COA1: variants seen among roughly 807,000 people sequenced by gnomAD.
The protein encoded by COA1 is cytochrome c oxidase assembly factor 1 homolog.
Under a neutral mutation model 16.0 loss-of-function variants are expected in COA1, and 13 were observed. That is an observed-to-expected ratio of 0.81 (90% CI 0.53 to 1.29). The LOEUF (loss-of-function observed/expected upper bound fraction) is 1.29, where lower values mean the gene tolerates loss of function less well. Among genes scored for constraint, COA1 ranks in the 50% most tolerant of loss-of-function variants. COA1 has a pLI of 0.00. For synonymous variants in COA1, 65 were observed against 65.7 expected, an observed-to-expected ratio of 0.99 and a Z score of 0.05; for missense variants, 179 against 177.0, an observed-to-expected ratio of 1.01 and a Z score of -0.06.
rs2086534667 is a variant in COA1 at position 43,639,576 on chromosome 7, T to A, written c.*6A>T. ...CTAGAAGCAAGCTGGGTCTTCTGGG[T>A]CGTCTCTACTCCTTTTTCACTTCAT... On this transcript the variant is annotated 3_prime_UTR_variant, in exon 6 of 6. Transcript: ENST00000223336. 6.2e-7 allele frequency: 1 copy of A among 1,611,798 alleles called. No individual in the cohort carries two copies. The highest frequency in any genetic ancestry group is 1.3e-5 in the African/African-American group (1 of 74,812).
chr7:43,625,036 G>C, intron 6 of COA1: 1 of 458,086 alleles, frequency 2.2e-6, no homozygotes, highest in Non-Finnish European at 3.8e-6. Context: ...GATTTAACAG[G>C]TACAGTTACC....
intron 1 of COA1, among the ~76,000 whole-genome samples, chr7:43,671,935 CTGTGAGTAAA>C (rs1465934844): frequency 6.6e-6 from 1 of 152,180 alleles, no homozygotes; most frequent in African/African-American, 2.4e-5. Context: ...CCACGTGGAA[CTGTGAGTAAA>C]TGAAACCTCT....
chr7:43,660,407 G>T (rs1315260642), intron 1 of COA1, among the ~76,000 whole-genome samples: 2 of 152,074 alleles, frequency 1.3e-5, no homozygotes, highest in Non-Finnish European at 2.9e-5. Flanking sequence ...GCCTAAATCA[G>T]ATACCTGGGA....
intron 1 of COA1, among the ~76,000 whole-genome samples, chr7:43,668,751 C>T (rs766747372): frequency 7.9e-5 from 12 of 152,158 alleles, no homozygotes; most frequent in Non-Finnish European, 1.3e-4. Flanking sequence ...GTAGGGTGCC[C>T]ATAACCCTGA....
intron 1 of COA1, chr7:43,658,854 G>C (rs1468414334): frequency 6.6e-6 from 1 of 152,420 alleles, no homozygotes; most frequent in African/African-American, 2.4e-5. Context: ...GGCAGCCACA[G>C]GCTCGGTATC....
intron 1 of COA1, among the ~76,000 whole-genome samples, chr7:43,711,948 A>G (rs1228737197): frequency 6.6e-6 from 1 of 152,166 alleles, no homozygotes; most frequent in African/African-American, 2.4e-5. Flanking sequence ...TAATAACAAT[A>G]AACTCCCAAG....
chr7:43,721,284 T>C (rs849167), intron 1 of COA1, among the ~76,000 whole-genome samples: 65,800 of 152,140 alleles, frequency 0.43, 14,686 homozygotes, highest in African/African-American at 0.55. Flanking sequence ...AATAGTTAAA[T>C]GTCAGTTCTT....
chr7:43,645,582 A>C, intron 3 of COA1, 183 bp from the exon 4 acceptor site: 2 of 579,930 alleles, frequency 3.4e-6, no homozygotes, highest in East Asian at 3.0e-5. Flanking sequence ...AAACCAAAGC[A>C]CAGGCAGGCA....
chr7:43,625,456 A>T (rs2084402627), intron 6 of COA1: 1 of 151,812 alleles, frequency 6.6e-6, no homozygotes, highest in South Asian at 2.1e-4. Context: ...AAAAACCCTA[A>T]TTTTTTTTCT....
chr7:43,702,127 CTG>C lies in COA1; in HGVS notation c.-39+27300_-39+27301del, dbSNP rs2094770505. 6.6e-5 allele frequency among the ~76,000 whole-genome samples: 10 copies of C among 152,200 alleles called. No individual in the cohort carries two copies. In the South Asian group the frequency reaches 2.1e-3, roughly 32 times the overall value. On this transcript the variant is annotated intron_variant, in intron 1 of 5. Transcript: ENST00000223336. ...GTTTTGTTGCAATTGCTTTGGAAAA[CTG>C]TCAAGAAATCTTTGCCAAGGCCTAT...
intron 6 of COA1, among the ~76,000 whole-genome samples, chr7:43,616,242 G>A (rs1162073051): frequency 6.6e-6 from 1 of 152,096 alleles, no homozygotes; most frequent in African/African-American, 2.4e-5. Flanking sequence ...TTGCTTTCAT[G>A]GTGCAATTCA....
chr7:43,696,213 C>T (rs1000535827), intron 1 of COA1, among the ~76,000 whole-genome samples: 7 of 152,068 alleles, frequency 4.6e-5, no homozygotes, highest in African/African-American at 7.2e-5. Context: ...TTGAAATGAA[C>T]GGTAAAGAGG....
intron 1 of COA1, among the ~76,000 whole-genome samples, chr7:43,658,356 C>T (rs1399653261): frequency 2.9e-5 from 4 of 139,182 alleles, no homozygotes; most frequent in African/African-American, 1.1e-4. Context: ...GAGACTGTCT[C>T]AAAAAAAAAA....
At chr7:43,687,567 C>CA (rs1250565678) in intron 1 of COA1, among the ~76,000 whole-genome samples, 7 of 151,624 alleles carry the variant, frequency 4.6e-5, no homozygotes, top group African/African-American at 7.3e-5. Flanking sequence ...ATAAATAAAG[C>CA]AAAAAAAGTA....
intron 6 of COA1, chr7:43,626,738 G>C (rs2084589153): frequency 6.6e-6 from 1 of 152,050 alleles, no homozygotes. Context: ...AGAATCATTT[G>C]GGCTTTTTAA....
chr7:43,626,690 G>A (rs1465123373), intron 6 of COA1: 2 of 152,146 alleles, frequency 1.3e-5, no homozygotes, highest in African/African-American at 2.4e-5. Flanking sequence ...TGAATGACAC[G>A]TTTGTACTTG....
chr7:43,651,442 G>A (rs1359876558), intron 1 of COA1, among the ~76,000 whole-genome samples: 1 of 152,136 alleles, frequency 6.6e-6, no homozygotes, highest in East Asian at 1.9e-4. Flanking sequence ...CTTTTCCAAA[G>A]TACTAAACCC....
At chr7:43,725,193 A>C (rs1363702031) in intron 1 of COA1, among the ~76,000 whole-genome samples, 1 of 151,810 alleles carries the variant, frequency 6.6e-6, no homozygotes, top group Admixed American at 6.6e-5. Context: ...AGCTGAGAAC[A>C]CGCCACTGCA....
At chr7:43,644,789 G>GAGAGAGAGAGAGAGA (rs1442537142) in intron 4 of COA1, among the ~76,000 whole-genome samples, 12 of 104,472 alleles carry the variant, frequency 1.1e-4, no homozygotes, top group African/African-American at 4.4e-4. Flanking sequence ...CAGGCAGGCA[G>GAGAGAGAGAGAGAGA]GCAGAGAGAC....
Sources: gnomAD v4.1 joint callset for allele counts (sites outside exome capture counted in the v4.1 genomes callset) on GRCh38, gnomAD v4.1.1 for gene constraint, MANE v1.5 for transcripts, NCBI Gene and HGNC (gene_info 2026-07-23, HGNC 2026-07-21) for gene names.